COL4A2: variants seen among roughly 807,000 people sequenced by gnomAD.
COL4A2 encodes collagen type IV alpha 2 chain, also known as collagen alpha-2(IV) chain.
In COL4A2, 99 loss-of-function variants were observed where a neutral mutation model predicts 200.2. That is an observed-to-expected ratio of 0.49 (90% CI 0.42 to 0.58). The LOEUF (loss-of-function observed/expected upper bound fraction) is 0.58. Ranked by LOEUF, COL4A2 falls within the 20% of genes least tolerant of loss-of-function variation. COL4A2 has a pLI of 0.00. For synonymous variants in COL4A2, 897 were observed against 900.6 expected (o/e 1.00, Z 0.07); for missense variants, 1,950 against 2,314.1 (o/e 0.84, Z 3.23).
At chr13:110,385,593 G>GC (rs1423331343) in intron 4 of COL4A2, among the ~76,000 whole-genome samples, 1 of 149,680 alleles carries the variant, frequency 6.7e-6, no homozygotes, top group Admixed American at 6.6e-5. Context: ...ATAGGCCGTG[G>GC]TTACAGTGTG....
chr13:110,469,296 A>G lies in COL4A2; in HGVS notation c.2175A>G (p.Ala725=). ...GPGPRGLPGD[A]GREGFPGPPG... is the part of the protein sequence containing the mutation. Reference sequence around the variant, plus strand: ...GGCCCAGGGGCTTGCCAGGAGACGCAGGTCGTGAAGGGTTCCCAGGACCCC... The same window carrying G: ...GGCCCAGGGGCTTGCCAGGAGACGCGGGTCGTGAAGGGTTCCCAGGACCCC... Residue 725 remains alanine (A), a synonymous_variant, in exon 28 of 48, where the codon GCA becomes GCG. Transcript: ENST00000360467. 2 of 1,595,384 alleles carry G rather than the reference A, an allele frequency of 1.3e-6. No homozygotes were observed. The highest frequency in any genetic ancestry group is 1.7e-6 in the Non-Finnish European group (2 of 1,171,054).
chr13:110,384,863 T>C, intron 4 of COL4A2, among the ~76,000 whole-genome samples: 1 of 152,200 alleles, frequency 6.6e-6, no homozygotes. Flanking sequence ...GCAAGCTCTG[T>C]GGTCCAGTTT....
chr13:110,478,880 C>A (rs1882792633), intron 30 of COL4A2, among the ~76,000 whole-genome samples: 1 of 152,260 alleles, frequency 6.6e-6, no homozygotes, highest in Non-Finnish European at 1.5e-5. Context: ...GAGTTGTCTC[C>A]ATGGAAACTC....
intron 34 of COL4A2, among the ~76,000 whole-genome samples, chr13:110,488,186 C>T (rs996919679): frequency 4.6e-5 from 7 of 152,174 alleles, no homozygotes; most frequent in Non-Finnish European, 7.3e-5. Flanking sequence ...CCACCACGCC[C>T]AGCTAATTTT....
rs764013626 is a variant in COL4A2 at position 110,482,512 on chromosome 13, G to A, written c.2759-4G>A. The A allele has an allele frequency of 8.1e-6, 13 of 1,613,716 alleles. 1 individual carries two copies. The highest frequency in any genetic ancestry group is 3.3e-5 in the South Asian group (3 of 91,080). ...ACCCAGCACTTTTCTCTTTTCCTCT[G>A]AAGGAGATAGAGGCTCACCTGGGAT... On this transcript the variant is annotated splice_region_variant and splice_polypyrimidine_tract_variant and intron_variant, in intron 31 of 47. Coordinates refer to ENST00000360467, the MANE Select transcript of COL4A2 (RefSeq NM_001846.4).
At position 110,462,135 on chromosome 13, in the gene COL4A2, G is replaced by A; in HGVS notation, c.1618G>A (p.Ala540Thr). The change falls in exon 23 of 48, where the codon GCT (alanine) becomes ACT (threonine). Residue 540 changes from alanine to threonine, a missense_variant. Transcript: ENST00000360467. ...GLKGVPGNIG[A>T]PGPKGAKGDS... ...ACAGGGAGTGCCTGGCAACATTGGT[G>A]CTCCCGGACCCAAAGGAGCAAAAGG... 4 of 1,614,248 alleles carry A rather than the reference G, an allele frequency of 2.5e-6. No individual in the cohort carries two copies. The highest frequency in any genetic ancestry group is 3.4e-6 in the Non-Finnish European group (4 of 1,180,044).
rs1166343292 is a variant in COL4A2, at chr13:110,508,608, C to G, written c.4881+387C>G. Among the ~76,000 whole-genome samples, 1 of 152,210 alleles carries G rather than the reference C, an allele frequency of 6.6e-6. No individual in the cohort carries two copies. Among genetic ancestry groups the G allele is most frequent in the East Asian group, 1.9e-4 (1 of 5,198 alleles). On this transcript the variant is annotated intron_variant, in intron 47 of 47. Transcript: ENST00000360467. This position sits in a 1 kb window ranked among gnomAD's most constrained non-coding sequence, Gnocchi z 6.1. ...AATCCTGATCTTATTTAGAATCTAT[C>G]TGGAACCTAGAATACCCTGAAGAAA... is the stretch of plus-strand genomic sequence containing the variant.
At chr13:110,379,655 T>C (rs1289819445) in intron 4 of COL4A2, among the ~76,000 whole-genome samples, 2 of 152,022 alleles carry the variant, frequency 1.3e-5, no homozygotes, top group African/African-American at 4.8e-5. Context: ...GGGGTCGGAG[T>C]ACTCCCCATG....
At chr13:110,334,876 C>T (rs1197299397) in intron 3 of COL4A2, among the ~76,000 whole-genome samples, 2 of 152,194 alleles carry the variant, frequency 1.3e-5, no homozygotes, top group East Asian at 1.9e-4. Flanking sequence ...AAATGCTGAA[C>T]GTTCTCCCGG....
chr13:110,423,482 G>C (rs1325276621), intron 4 of COL4A2, among the ~76,000 whole-genome samples: 1 of 152,096 alleles, frequency 6.6e-6, no homozygotes, highest in Non-Finnish European at 1.5e-5. Flanking sequence ...TAGCAAATAC[G>C]TGCTGGGCTT....
intron 3 of COL4A2, among the ~76,000 whole-genome samples, chr13:110,343,333 G>C (rs969912427): frequency 2.6e-5 from 4 of 152,176 alleles, no homozygotes; most frequent in African/African-American, 9.7e-5. Context: ...GTAGGCGTCT[G>C]CTGTGACTTA....
intron 3 of COL4A2, among the ~76,000 whole-genome samples, chr13:110,324,791 C>T (rs532969569): frequency 6.6e-6 from 1 of 152,304 alleles, no homozygotes; most frequent in East Asian, 1.9e-4. Context: ...TAGGTGGGGC[C>T]TCCCGGCCCC....
intron 4 of COL4A2, among the ~76,000 whole-genome samples, chr13:110,411,797 G>C (rs955435908): frequency 2.8e-4 from 42 of 152,318 alleles, no homozygotes; most frequent in African/African-American, 1.0e-3. Flanking sequence ...AAGTCTGTGT[G>C]GATGACAATG....
At chr13:110,401,675 C>T (rs757863504) in intron 4 of COL4A2, among the ~76,000 whole-genome samples, 22 of 152,210 alleles carry the variant, frequency 1.4e-4, no homozygotes, top group Non-Finnish European at 2.5e-4. Context: ...TCTAAAACGT[C>T]TTGAAAACCA....
chr13:110,505,905 CTGAG>C (rs1883846002), intron 45 of COL4A2, among the ~76,000 whole-genome samples: 1 of 152,332 alleles, frequency 6.6e-6, no homozygotes, highest in Admixed American at 6.5e-5. Flanking sequence ...CTATGGCTGA[CTGAG>C]TCTTTTATGG....
intron 45 of COL4A2, 146 bp downstream of exon 45, chr13:110,504,410 T>C (rs1166593488): frequency 1.1e-5 from 7 of 654,020 alleles, no homozygotes; most frequent in East Asian, 2.7e-5. Context: ...AATCTGGGCG[T>C]AGCAGCTACA....
intron 40 of COL4A2, among the ~76,000 whole-genome samples, chr13:110,500,608 T>C (rs1883605266): frequency 6.6e-6 from 1 of 152,226 alleles, no homozygotes; most frequent in South Asian, 2.1e-4. Flanking sequence ...TTCTCATTAT[T>C]CGCAGTAGTT....
chr13:110,441,869 C>T (rs1259233593), intron 16 of COL4A2, among the ~76,000 whole-genome samples: 1 of 150,696 alleles, frequency 6.6e-6, no homozygotes, highest in Non-Finnish European at 1.5e-5. Context: ...TCATAGAGGT[C>T]AGGAGTTCAA....
At chr13:110,375,916 A>G (rs1387035202) in intron 4 of COL4A2, among the ~76,000 whole-genome samples, 2 of 151,958 alleles carry the variant, frequency 1.3e-5, no homozygotes, top group Non-Finnish European at 2.9e-5. Flanking sequence ...TATTCATTTA[A>G]TTTTTCTTCT....
Sources: gnomAD v4.1 joint callset for allele counts (sites outside exome capture counted in the v4.1 genomes callset) on GRCh38, gnomAD v4.1.1 for gene constraint, Gnocchi (gnomAD v3.1) non-coding constraint, MANE v1.5 for transcripts, NCBI Gene and HGNC (gene_info 2026-07-23, HGNC 2026-07-21) for gene names.